Variants in B4GALT7 observed in about 807,000 individuals in gnomAD.
B4GALT7 encodes the protein UDP-Gal:beta-GlcNAc beta-1,4-galactosyltransferase 7.
A neutral mutation model predicts 33.0 loss-of-function variants in B4GALT7; 30 were observed. The ratio of observed to expected loss-of-function variants is 0.91; its 90% CI spans 0.68 to 1.23. The LOEUF (loss-of-function observed/expected upper bound fraction) is 1.23, where lower values mean the gene tolerates loss of function less well. Ranked by LOEUF, B4GALT7 falls within the 50% of genes most tolerant of loss-of-function variation. B4GALT7 has a pLI of 0.00. For synonymous variants in B4GALT7, 213 were observed against 187.2 expected (o/e 1.14, Z -1.13); for missense variants, 507 against 450.8 (o/e 1.12, Z -1.13).
At position 177,609,537 on chromosome 5, in the gene B4GALT7, CAGG is replaced by C. The variant is rs1561816646; in HGVS notation, c.829_831del (p.Glu277del). On this transcript the variant is annotated splice_acceptor_variant and coding_sequence_variant, in exon 6 of 6. Coordinates refer to ENST00000029410, the MANE Select transcript of B4GALT7 (RefSeq NM_007255.3). LOFTEE classifies it high-confidence loss of function. ...CCGTGCTCTTTCCTCTCTTCCTCCCCAGGAGCAGTTCAAGGTGGACAGGGAGGG... is the reference window on the plus strand; with the variant it reads ...CCGTGCTCTTTCCTCTCTTCCTCCCCAGCAGTTCAAGGTGGACAGGGAGGG... 1 of 1,613,086 alleles carries C rather than the reference CAGG, an allele frequency of 6.2e-7. No individual in the cohort carries two copies. Among genetic ancestry groups the C allele is most frequent in the Non-Finnish European group, 8.5e-7 (1 of 1,180,008 alleles).
intron 1 of B4GALT7, 196 bp from the exon 2 acceptor site, chr5:177,603,983 G>C: frequency 1.3e-6 from 1 of 762,722 alleles, no homozygotes; most frequent in South Asian, 1.8e-5. Flanking sequence ...GGCATGGGTT[G>C]GGTCTAGAGA....
rs369752734 is a variant in B4GALT7, at chr5:177,608,995, G to A, written c.809G>A (p.Arg270His). Reference sequence around the variant, plus strand: ...GCCTGGCGGAAGAGGGACCAGAAGCGCATCGCAGCTCAAAAACAGGTGCTG... The same window carrying A: ...GCCTGGCGGAAGAGGGACCAGAAGCACATCGCAGCTCAAAAACAGGTGCTG... ...DPAWRKRDQK[R>H]IAAQKQEQFK... is the part of the protein sequence containing the mutation. The change falls in exon 5 of 6, where the codon CGC (arginine) becomes CAC (histidine). Residue 270 changes from arginine (R) to histidine (H), a missense_variant. Transcript: ENST00000029410. This position sits in a 1 kb window ranked among gnomAD's most constrained non-coding sequence, Gnocchi z 4.1. The A allele has an allele frequency of 5.4e-5, 87 of 1,611,970 alleles. No homozygotes were observed. The highest frequency in any genetic ancestry group is 1.8e-4 in the East Asian group (8 of 44,884).
chr5:177,607,583 G>A (rs879126644), intron 3 of B4GALT7, 56 bp downstream of exon 3: 2 of 1,531,758 alleles, frequency 1.3e-6, no homozygotes, highest in South Asian at 2.2e-5. Context: ...CAGGCTGCGG[G>A]TGGTGGGAAG....
chr5:177,601,904 G>A (rs916138982), intron 1 of B4GALT7, among the ~76,000 whole-genome samples: 1 of 152,210 alleles, frequency 6.6e-6, no homozygotes, highest in Non-Finnish European at 1.5e-5. Flanking sequence ...AGCACAGGAT[G>A]ATGCCCATGG....
chr5:177,601,981 C>T (rs1420156245), intron 1 of B4GALT7, among the ~76,000 whole-genome samples: 1 of 152,142 alleles, frequency 6.6e-6, no homozygotes, highest in Non-Finnish European at 1.5e-5. Flanking sequence ...GCTCGGAGTA[C>T]CCAGTCCACG....
chr5:177,607,489 GGCGGCATCC>G lies in B4GALT7; in HGVS notation c.602_610del (p.Gly201_Leu204delinsVal). 1 of 1,613,368 alleles carries G rather than the reference GGCGGCATCC, an allele frequency of 6.2e-7. No individual in the cohort carries two copies. Among genetic ancestry groups the G allele is most frequent in the Non-Finnish European group, 8.5e-7 (1 of 1,180,034 alleles). On this transcript the variant is annotated inframe_deletion, in exon 3 of 6. Coordinates refer to ENST00000029410, the MANE Select transcript of B4GALT7 (RefSeq NM_007255.3). ...TCTCTACCACTACAAGACCTATGTC[GGCGGCATCC>G]TGCTGCTCTCCAAGCAGCACTACCG...
chr5:177,607,672 C>T (rs1244685746), intron 3 of B4GALT7, 145 bp downstream of exon 3: 19 of 789,320 alleles, frequency 2.4e-5, no homozygotes, highest in East Asian at 2.1e-4. Context: ...AGCCAGAGTG[C>T]GAAGAGCAGG....
intron 1 of B4GALT7, chr5:177,602,707 G>T: frequency 5.9e-6 from 2 of 340,122 alleles, no homozygotes; most frequent in Non-Finnish European, 8.3e-6. Context: ...GCGAAGGCTT[G>T]GGAGCACCTG....
intron 1 of B4GALT7, among the ~76,000 whole-genome samples, chr5:177,601,654 G>C (rs771631038): frequency 5.3e-5 from 8 of 152,226 alleles, no homozygotes; most frequent in Admixed American, 3.3e-4. Flanking sequence ...GTAGGCTCTG[G>C]AGCCAGCCTG....
chr5:177,604,994 T>G, intron 2 of B4GALT7: 1 of 456,342 alleles, frequency 2.2e-6, no homozygotes, highest in South Asian at 1.5e-5. Context: ...CTCCCTTCCA[T>G]GACCACAGCC....
chr5:177,604,299 G>A lies in B4GALT7; in HGVS notation c.171G>A (p.Val57=), dbSNP rs769074597. The A allele has an allele frequency of 1.2e-5, 19 of 1,611,698 alleles. No homozygotes were observed. The Admixed American group carries it at 2.7e-4, about 23-fold the overall frequency. Reference sequence around the variant, plus strand: ...TGCAGCTCAGCTGCTCTGGGGACGTGGCCCGGGCAGTCAGGGGACAAGGGC... The same window carrying A: ...TGCAGCTCAGCTGCTCTGGGGACGTAGCCCGGGCAGTCAGGGGACAAGGGC... The part of the protein sequence containing the change: ...LWLQLSCSGD[V]ARAVRGQGQE... The change falls in exon 2 of 6, where the codon GTG becomes GTA. Residue 57 remains valine, a synonymous_variant. Coordinates refer to ENST00000029410, the MANE Select transcript of B4GALT7 (RefSeq NM_007255.3).
In B4GALT7 at chr5:177,609,810, A is replaced by G; in HGVS notation, c.*115A>G. The stretch of plus-strand genomic sequence containing the variant: ...GATGTGGAGTGGCCAGGACCAAGAC[A>G]GCAAGCTACGCAATTGCAGCCACCC... On this transcript the variant is annotated 3_prime_UTR_variant, in exon 6 of 6. Coordinates refer to ENST00000029410, the MANE Select transcript of B4GALT7 (RefSeq NM_007255.3). 7.1e-7 allele frequency: 1 copy of G among 1,417,830 alleles called. No homozygotes were observed. Among genetic ancestry groups the G allele is most frequent in the Non-Finnish European group, 9.6e-7 (1 of 1,037,720 alleles). 87.8% of individuals were successfully genotyped at this position (1,417,830 alleles called of 1,614,324 possible). A position where few individuals can be genotyped will look rare whatever the true frequency, so the allele number is the denominator to read the frequency against.
chr5:177,604,691 C>A, intron 2 of B4GALT7, 150 bp downstream of exon 2: 1 of 1,052,194 alleles, frequency 9.5e-7, no homozygotes, highest in East Asian at 2.5e-5. Context: ...GGAGAGGGCC[C>A]TGATCTAATT....
Position 177,608,228 on chromosome 5 carries a change from A to C in B4GALT7, c.640-311A>C. The C allele has an allele frequency of 9.7e-6, 4 of 413,552 alleles. No homozygotes were observed. Among genetic ancestry groups the C allele is most frequent in the Non-Finnish European group, 1.8e-5 (4 of 222,052 alleles). The allele number at this position is 413,552 out of a possible 1,614,324, so 25.6% of individuals were successfully genotyped here. A position where few individuals can be genotyped will look rare whatever the true frequency, so the allele number is the denominator to read the frequency against. ...GGCAGGGCCACCAGGAGAAAGGGGA[A>C]TGGGGGAAGCAGAAATCAAGTAGGA... On this transcript the variant is annotated intron_variant, in intron 3 of 5. Transcript: ENST00000029410. The surrounding 1 kb of genome is among the most constrained non-coding windows in gnomAD (Gnocchi z 4.1).
chr5:177,602,711 G>A (rs1767877002), intron 1 of B4GALT7: 1 of 361,028 alleles, frequency 2.8e-6, no homozygotes, highest in Non-Finnish European at 3.9e-6. Flanking sequence ...AGGCTTGGGA[G>A]CACCTGGAGT....
rs147617631 is a variant in B4GALT7 at position 177,608,596 on chromosome 5, C to T, written c.697C>T (p.Arg233Trp). The T allele has an allele frequency of 1.7e-4, 281 of 1,613,814 alleles. No individual in the cohort carries two copies. Among genetic ancestry groups the T allele is most frequent in the Admixed American group, 1.4e-3 (86 of 60,004 alleles). Residue 233 changes from arginine to tryptophan, a missense_variant, in exon 4 of 6, where the codon CGG (arginine) becomes TGG (tryptophan). Physicochemically the swap from Arg to Trp is moderately radical, Grantham distance 101 (BLOSUM62 -3). Coordinates refer to ENST00000029410, the MANE Select transcript of B4GALT7 (RefSeq NM_007255.3). This position sits in a 1 kb window ranked among gnomAD's most constrained non-coding sequence, Gnocchi z 4.1. ...GGGCCGCGAGGACGACGAGTTCTAC[C>T]GGCGCATTAAGGGAGCTGGGCTCCA... ...GWGREDDEFY[R>W]RIKGAGLQLF...
rs2127509597 is a variant in B4GALT7 at position 177,600,167 on chromosome 5, C to T, written c.-44C>T. On this transcript the variant is annotated 5_prime_UTR_variant, in exon 1 of 6. Coordinates refer to ENST00000029410, the MANE Select transcript of B4GALT7 (RefSeq NM_007255.3). The surrounding 1 kb of genome is among the most constrained non-coding windows in gnomAD (Gnocchi z 4.4). ...CGTAGGCCCGGGAGGCCGGGCCGGC[C>T]GGGCTGCGAGCGCCTGCCCCATGCG... is the stretch of plus-strand genomic sequence containing the variant. 6 of 1,239,958 alleles carry T rather than the reference C, an allele frequency of 4.8e-6. No individual in the cohort carries two copies. The African/African-American group carries it at 7.8e-5, about 16-fold the overall frequency. The allele number at this position is 1,239,958 out of a possible 1,614,324, so 76.8% of individuals were successfully genotyped here. A position where few individuals can be genotyped will look rare whatever the true frequency, so the allele number is the denominator to read the frequency against.
At position 177,608,622 on chromosome 5, in the gene B4GALT7, G is replaced by T; in HGVS notation, c.723G>T (p.Gln241His). The change falls in exon 4 of 6, where the codon CAG (glutamine) becomes CAT (histidine). Residue 241 changes from glutamine to histidine, a missense_variant and splice_region_variant. Gln to His is a conservative substitution (Grantham distance 24). Coordinates refer to ENST00000029410, the MANE Select transcript of B4GALT7 (RefSeq NM_007255.3). The surrounding 1 kb of genome is among the most constrained non-coding windows in gnomAD (Gnocchi z 4.1). ...FYRRIKGAGL[Q>H]LFRPSGITTG... ...GGCGCATTAAGGGAGCTGGGCTCCAGGTGAGATTCCCCGGGCCCCGCCGCC... is the reference window on the plus strand; with the variant it reads ...GGCGCATTAAGGGAGCTGGGCTCCATGTGAGATTCCCCGGGCCCCGCCGCC... 6.2e-7 allele frequency: 1 copy of T among 1,613,542 alleles called. No homozygotes were observed. The highest frequency in any genetic ancestry group is 1.3e-5 in the African/African-American group (1 of 75,066).
chr5:177,604,502 G>A lies in B4GALT7; in HGVS notation c.374G>A (p.Arg125Gln), dbSNP rs568792091. 1.6e-5 allele frequency: 26 copies of A among 1,613,882 alleles called. No individual in the cohort carries two copies. Among genetic ancestry groups the A allele is most frequent in the South Asian group, 7.7e-5 (7 of 91,082 alleles). ...CGCTTCCTGAGCAGGAAGAAGATCCGGCACCACATCTACGTGCTCAACCAG... is the reference window on the plus strand; with the variant it reads ...CGCTTCCTGAGCAGGAAGAAGATCCAGCACCACATCTACGTGCTCAACCAG... ...MRRFLSRKKI[R>Q]HHIYVLNQVD... The change falls in exon 2 of 6, where the codon CGG (arginine) becomes CAG (glutamine). Residue 125 changes from arginine to glutamine, a missense_variant. Arg to Gln is a conservative substitution (Grantham distance 43). Transcript: ENST00000029410.
Sources: gnomAD v4.1 joint callset for allele counts (sites outside exome capture counted in the v4.1 genomes callset) on GRCh38, gnomAD v4.1.1 for gene constraint, Gnocchi (gnomAD v3.1) non-coding constraint, MANE v1.5 for transcripts, NCBI Gene and HGNC (gene_info 2026-07-23, HGNC 2026-07-21) for gene names.